RAB40B: variants seen among roughly 807,000 people sequenced by gnomAD.
RAB40B encodes ras-related protein Rab-40B.
A neutral mutation model predicts 24.0 loss-of-function variants in RAB40B; 21 were observed. That is an observed-to-expected ratio of 0.88 (90% CI 0.62 to 1.26). The LOEUF is 1.26. RAB40B is among the 50% of genes most tolerant of loss of function. The pLI, the probability that RAB40B is intolerant of heterozygous loss-of-function variation, is 0.00. For missense variants in RAB40B, 348 were observed against 390.5 expected (o/e 0.89, Z 0.92); for synonymous variants, 167 against 169.8 (o/e 0.98, Z 0.13).
chr17:82,661,542 G>C (rs916850744), intron 2 of RAB40B, among the ~76,000 whole-genome samples: 2 of 152,090 alleles, frequency 1.3e-5, no homozygotes, highest in Non-Finnish European at 2.9e-5. Context: ...CTCAGATGAC[G>C]GCACACGCAG....
intron 1 of RAB40B, among the ~76,000 whole-genome samples, chr17:82,693,685 A>G (rs1485910949): frequency 6.6e-6 from 1 of 152,206 alleles, no homozygotes; most frequent in Non-Finnish European, 1.5e-5. Flanking sequence ...AAATCACGGT[A>G]GAGTCACAAA....
chr17:82,657,784 G>T lies in RAB40B; in HGVS notation c.*79C>A. On this transcript the variant is annotated 3_prime_UTR_variant, in exon 6 of 6. Coordinates refer to ENST00000571995, the MANE Select transcript of RAB40B (RefSeq NM_006822.3). ...CATTCGCCGAGAGGAACCGGGATCT[G>T]AGATGCATCCACCAGCTGCCGGGGG... 1 of 1,511,158 alleles carries T rather than the reference G, an allele frequency of 6.6e-7. No homozygotes were observed. The highest frequency in any genetic ancestry group is 9.2e-7 in the Non-Finnish European group (1 of 1,087,010). 93.6% of individuals were successfully genotyped at this position (1,511,158 alleles called of 1,614,324 possible). A position where few individuals can be genotyped will look rare whatever the true frequency, so the allele number is the denominator to read the frequency against.
intron 1 of RAB40B, among the ~76,000 whole-genome samples, chr17:82,679,404 C>T (rs2046427378): frequency 6.6e-6 from 1 of 151,822 alleles, no homozygotes; most frequent in Non-Finnish European, 1.5e-5. Flanking sequence ...GCCTCAGCCT[C>T]CCGAGTAGCT....
chr17:82,693,770 G>A (rs1297581100), intron 1 of RAB40B, among the ~76,000 whole-genome samples: 1 of 151,990 alleles, frequency 6.6e-6, no homozygotes, highest in East Asian at 1.9e-4. Context: ...ACATAACGGG[G>A]GCCAGAGACA....
chr17:82,664,002 TC>T (rs1200688049), intron 2 of RAB40B, among the ~76,000 whole-genome samples: 1 of 132,032 alleles, frequency 7.6e-6, no homozygotes. Flanking sequence ...GGGAGGGTGT[TC>T]CCGGGGGCGC....
intron 1 of RAB40B, among the ~76,000 whole-genome samples, chr17:82,685,700 G>A (rs1263163405): frequency 2.6e-5 from 4 of 152,178 alleles, no homozygotes; most frequent in Non-Finnish European, 5.9e-5. Flanking sequence ...GTCCTTTCGG[G>A]TTTCACCATC....
At chr17:82,674,854 G>A (rs1053004387) in intron 1 of RAB40B, among the ~76,000 whole-genome samples, 9 of 152,012 alleles carry the variant, frequency 5.9e-5, no homozygotes, top group African/African-American at 1.7e-4. Flanking sequence ...CAGGGCCAGG[G>A]TGTGTGCAGG....
At chr17:82,685,642 C>A (rs1485306577) in intron 1 of RAB40B, among the ~76,000 whole-genome samples, 1 of 152,176 alleles carries the variant, frequency 6.6e-6, no homozygotes, top group African/African-American at 2.4e-5. Context: ...GAAGAGGGGA[C>A]CCACAGGGTC....
rs1016201504 is a variant in RAB40B, at chr17:82,675,172, C to T, written c.143-10616G>A. 1.2e-4 allele frequency among the ~76,000 whole-genome samples: 18 copies of T among 152,136 alleles called. No individual in the cohort carries two copies. Among genetic ancestry groups the T allele is most frequent in the Non-Finnish European group, 2.1e-4 (14 of 68,028 alleles). On this transcript the variant is annotated intron_variant, in intron 1 of 5. Transcript: ENST00000571995. This position sits in a 1 kb window ranked among gnomAD's most constrained non-coding sequence, Gnocchi z 4.5. ...GCAAAGTACAATGACCTCCACATCC[C>T]GGAATTTCACTAACAATAAACAAGA... is the stretch of plus-strand genomic sequence containing the variant.
At chr17:82,691,299 G>C (rs2046555008) in intron 1 of RAB40B, among the ~76,000 whole-genome samples, 1 of 152,226 alleles carries the variant, frequency 6.6e-6, no homozygotes, top group Admixed American at 6.5e-5. Context: ...GATTGGAGAA[G>C]ACAATGAGGC....
At position 82,664,598 on chromosome 17, in the gene RAB40B, T is replaced by G. The variant is rs2087049; in HGVS notation, c.143-42A>C. On this transcript the variant is annotated intron_variant, in intron 1 of 5. Transcript: ENST00000571995. Reference sequence around the variant, plus strand: ...GACGGCTTAGGCCTGAGGCTGCAGCTAACAGGACGCTGGAAGTCTCACGTT... The same window carrying G: ...GACGGCTTAGGCCTGAGGCTGCAGCGAACAGGACGCTGGAAGTCTCACGTT... 1.2e-4 allele frequency: 194 copies of G among 1,580,788 alleles called. 1 individual carries two copies. The African/African-American group carries it at 1.5e-3, about 12-fold the overall frequency.
In RAB40B at chr17:82,667,601, G is replaced by A. The variant is rs2143483460; in HGVS notation, c.143-3045C>T. Among the ~76,000 whole-genome samples, 1 of 152,184 alleles carries A rather than the reference G, an allele frequency of 6.6e-6. No individual in the cohort carries two copies. On this transcript the variant is annotated intron_variant, in intron 1 of 5. Coordinates refer to ENST00000571995, the MANE Select transcript of RAB40B (RefSeq NM_006822.3). This position sits in a 1 kb window ranked among gnomAD's most constrained non-coding sequence, Gnocchi z 4.3. ...AGAGCCCCAGAGACATGGAGTCCAG[G>A]CTTCCCGCATCCTCCTCTGTCTCCT...
Position 82,658,012 on chromosome 17 carries a change from C to A in RAB40B, c.688G>T (p.Gly230Cys). The change falls in exon 6 of 6, where the codon GGC becomes TGC. Residue 230 changes from glycine (G) to cysteine (C), a missense_variant. Gly to Cys is a radical substitution (Grantham distance 159). Transcript: ENST00000571995. ...CCGTGCATCATCCTGGCATTCAGGC[C>A]GTTGGCCATCGAGAAGGACTTGAGG... ...SHLKSFSMAN[G>C]LNARMMHGGS... The A allele has an allele frequency of 2.5e-6, 4 of 1,614,182 alleles. No homozygotes were observed. The highest frequency in any genetic ancestry group is 3.4e-6 in the Non-Finnish European group (4 of 1,180,042).
chr17:82,696,181 A>AT (rs2143566896), intron 1 of RAB40B, among the ~76,000 whole-genome samples: 1 of 152,110 alleles, frequency 6.6e-6, no homozygotes, highest in South Asian at 2.1e-4. Context: ...TGGGAGGTGT[A>AT]TTTTTAGCCT....
intron 1 of RAB40B, chr17:82,696,515 C>G (rs1298224050): frequency 6.3e-6 from 1 of 157,838 alleles, no homozygotes; most frequent in East Asian, 1.9e-4. Flanking sequence ...TAGGGTTCAT[C>G]CCTCACTGAG....
At chr17:82,672,824 G>T (rs1203426698) in intron 1 of RAB40B, among the ~76,000 whole-genome samples, 2 of 152,230 alleles carry the variant, frequency 1.3e-5, no homozygotes, top group East Asian at 3.8e-4. Context: ...ACACCAGGTA[G>T]ACGCCATCCA....
At position 82,684,336 on chromosome 17, in the gene RAB40B, G is replaced by C. The variant is rs753856762; in HGVS notation, c.142+14119C>G. Among the ~76,000 whole-genome samples the C allele has an allele frequency of 9.9e-5, 15 of 152,068 alleles. No homozygotes were observed. The East Asian group carries it at 2.3e-3, about 23-fold the overall frequency. On this transcript the variant is annotated intron_variant, in intron 1 of 5. Transcript: ENST00000571995. ...ACTGAAACACTCACACACTGCTGAC[G>C]GGGATGCAAACGGTGTGGTCAGTGT...
Position 82,698,504 on chromosome 17 carries a change from C to G in RAB40B, c.93G>C (p.Leu31=), listed in dbSNP as rs541975002. 169 of 1,518,874 alleles carry G rather than the reference C, an allele frequency of 1.1e-4. 1 individual carries two copies. In the East Asian group the frequency reaches 1.3e-3, roughly 11 times the overall value. 94.1% of individuals were successfully genotyped at this position (1,518,874 alleles called of 1,614,324 possible). A position where few individuals can be genotyped will look rare whatever the true frequency, so the allele number is the denominator to read the frequency against. ...CGGCCGCGCCATCCTGCAGGCTCGC[C>G]AGGATCTCGCCCTTGCCCACGTCGC... is the stretch of plus-strand genomic sequence containing the variant. The part of the protein sequence containing the change: ...GDSDVGKGEI[L]ASLQDGAAES... Residue 31 remains leucine (L), a synonymous_variant, in exon 1 of 6, where the codon CTG becomes CTC. Transcript: ENST00000571995.
At chr17:82,689,240 C>T (rs1017361173) in intron 1 of RAB40B, among the ~76,000 whole-genome samples, 1 of 152,246 alleles carries the variant, frequency 6.6e-6, no homozygotes, top group Non-Finnish European at 1.5e-5. Flanking sequence ...TGAGCAGGTG[C>T]GGCTGGCAGG....
Sources: gnomAD v4.1 joint callset for allele counts (sites outside exome capture counted in the v4.1 genomes callset) on GRCh38, gnomAD v4.1.1 for gene constraint, Gnocchi (gnomAD v3.1) non-coding constraint, MANE v1.5 for transcripts, NCBI Gene and HGNC (gene_info 2026-07-23, HGNC 2026-07-21) for gene names.